CACNA2D1: variants seen among roughly 807,000 people sequenced by gnomAD.
The protein encoded by CACNA2D1 is calcium voltage-gated channel auxiliary subunit alpha2delta 1.
A neutral mutation model predicts 171.5 loss-of-function variants in CACNA2D1; 53 were observed. The observed-to-expected ratio is 0.31, with a 90% confidence interval of 0.25 to 0.39. The LOEUF is 0.39. Ranked by LOEUF, CACNA2D1 falls within the 10% of genes least tolerant of loss-of-function variation. The probability of loss-of-function intolerance (pLI) is 1.00; values close to 1 mark genes in which losing one functional copy is unlikely to be tolerated. For missense variants in CACNA2D1, 903 were observed against 1,299.8 expected, an observed-to-expected ratio of 0.69 and a Z score of 4.69; for synonymous variants, 442 against 443.1, an observed-to-expected ratio of 1.00 and a Z score of 0.03.
rs1479629109 is a variant in CACNA2D1, at chr7:82,287,863, A to G, written c.294+47272T>C. 5.3e-5 allele frequency among the ~76,000 whole-genome samples: 8 copies of G among 151,648 alleles called. No individual in the cohort carries two copies. The South Asian group carries it at 1.5e-3, about 28-fold the overall frequency. On this transcript the variant is annotated intron_variant, in intron 3 of 38. Transcript: ENST00000356860. Reference sequence around the variant, plus strand: ...ACTTTTTTTTGTTTTTTTTTGAGACAGAGTCTCGCTCTGTCGCCCAGGCTG... The same window carrying G: ...ACTTTTTTTTGTTTTTTTTTGAGACGGAGTCTCGCTCTGTCGCCCAGGCTG...
At chr7:82,375,989 T>C (rs1166190000) in intron 1 of CACNA2D1, among the ~76,000 whole-genome samples, 2 of 152,094 alleles carry the variant, frequency 1.3e-5, no homozygotes, top group African/African-American at 4.8e-5. Flanking sequence ...GGATAGAAAA[T>C]AGGTGTTCCA....
chr7:82,264,963 T>C (rs1807623582), intron 3 of CACNA2D1, among the ~76,000 whole-genome samples: 1 of 152,210 alleles, frequency 6.6e-6, no homozygotes. Context: ...GGGTTCATCA[T>C]AATATCAGGC....
chr7:82,089,706 C>G (rs1810902299), intron 6 of CACNA2D1, among the ~76,000 whole-genome samples: 2 of 151,568 alleles, frequency 1.3e-5, no homozygotes, highest in Admixed American at 6.6e-5. Flanking sequence ...ATATTTGCTG[C>G]TAATTCTTCT....
At chr7:82,075,522 C>T (rs759676118) in intron 7 of CACNA2D1, among the ~76,000 whole-genome samples, 8 of 152,134 alleles carry the variant, frequency 5.3e-5, no homozygotes, top group Non-Finnish European at 8.8e-5. Flanking sequence ...ATGTGCTACA[C>T]AGACAAAAAC....
intron 10 of CACNA2D1, among the ~76,000 whole-genome samples, chr7:82,043,666 G>T (rs554968158): frequency 6.6e-6 from 1 of 152,132 alleles, no homozygotes; most frequent in East Asian, 1.9e-4. Flanking sequence ...GTTTTGTAAA[G>T]GCAGTCTCTA....
chr7:82,394,000 G>A (rs949743997), intron 1 of CACNA2D1, among the ~76,000 whole-genome samples: 2 of 152,058 alleles, frequency 1.3e-5, no homozygotes, highest in Non-Finnish European at 2.9e-5. Context: ...ATTTGCCCAA[G>A]GTCAAGTTGA....
chr7:82,043,834 G>A (rs1425173543), intron 10 of CACNA2D1, among the ~76,000 whole-genome samples: 1 of 152,132 alleles, frequency 6.6e-6, no homozygotes, highest in Non-Finnish European at 1.5e-5. Context: ...GAAAGTTACG[G>A]GAAGTGCCCT....
rs1360796701 is a variant in CACNA2D1, at chr7:82,060,175, T to TA, written c.879+252dup. Among the ~76,000 whole-genome samples, 20 of 31,786 alleles carry TA rather than the reference T, an allele frequency of 6.3e-4. 1 individual carries two copies. Among genetic ancestry groups the TA allele is most frequent in the African/African-American group, 2.3e-3 (19 of 8,240 alleles). 20.9% of individuals were successfully genotyped at this position (31,786 alleles called of 152,430 possible). On this transcript the variant is annotated intron_variant, in intron 10 of 38. Transcript: ENST00000356860. ...GTATTATATATATATAATATATATA[T>TA]ATAATATATATATATTATATATATA...
At chr7:82,113,373 G>C (rs28481780) in intron 6 of CACNA2D1, among the ~76,000 whole-genome samples, 25,547 of 152,018 alleles carry the variant, frequency 0.17, 2,277 homozygotes, top group African/African-American at 0.23. Flanking sequence ...TGCTTGTCTT[G>C]TATAATTCTA....
Position 82,060,190 on chromosome 7 carries a change from T to TATAA in CACNA2D1, c.879+237_879+238insTTAT, listed in dbSNP as rs1491114373. On this transcript the variant is annotated intron_variant, in intron 10 of 38. Transcript: ENST00000356860. ...AATATATATATATAATATATATATATTATATATATATTATATATATAATAT... is the reference window on the plus strand; with the variant it reads ...AATATATATATATAATATATATATATATAATATATATATATTATATATATAATAT... Among the ~76,000 whole-genome samples, 25 of 13,140 alleles carry TATAA rather than the reference T, an allele frequency of 1.9e-3. 2 individuals are homozygous for TATAA. Among genetic ancestry groups the TATAA allele is most frequent in the Non-Finnish European group, 4.3e-3 (21 of 4,860 alleles). 8.6% of individuals were successfully genotyped at this position (13,140 alleles called of 152,430 possible).
intron 3 of CACNA2D1, among the ~76,000 whole-genome samples, chr7:82,191,436 T>C (rs1798283025): frequency 6.6e-6 from 1 of 151,796 alleles, no homozygotes; most frequent in Non-Finnish European, 1.5e-5. Context: ...ATCGAGCTGC[T>C]TTTCAGCAAA....
intron 3 of CACNA2D1, among the ~76,000 whole-genome samples, chr7:82,219,123 G>C (rs1457866351): frequency 6.6e-6 from 1 of 152,082 alleles, no homozygotes; most frequent in African/African-American, 2.4e-5. Context: ...ATGGTCTGAG[G>C]TAGCTACCTA....
chr7:82,441,577 T>C (rs139758653), intron 1 of CACNA2D1, among the ~76,000 whole-genome samples: 139 of 152,290 alleles, frequency 9.1e-4, no homozygotes, highest in Non-Finnish European at 1.8e-3. Flanking sequence ...GAAAGCATTA[T>C]TGCAGATGTT....
chr7:82,216,818 A>C (rs1270919154), intron 3 of CACNA2D1, among the ~76,000 whole-genome samples: 1 of 151,866 alleles, frequency 6.6e-6, no homozygotes, highest in African/African-American at 2.4e-5. Context: ...TTTTTAAAAA[A>C]AGTAAATATA....
intron 6 of CACNA2D1, among the ~76,000 whole-genome samples, chr7:82,103,754 T>C (rs1812978706): frequency 6.6e-6 from 1 of 152,098 alleles, no homozygotes; most frequent in Admixed American, 6.5e-5. Context: ...AAAAACAGTA[T>C]ATTTAATGCT....
intron 10 of CACNA2D1, among the ~76,000 whole-genome samples, chr7:82,048,266 C>T (rs10265625): frequency 0.8 from 121,889 of 151,908 alleles, 51,015 homozygotes; most frequent in Non-Finnish European, 0.91. Context: ...AAATTAATGA[C>T]AAAAAGATAG....
At chr7:82,411,637 T>C (rs537558146) in intron 1 of CACNA2D1, among the ~76,000 whole-genome samples, 216 of 152,224 alleles carry the variant, frequency 1.4e-3, no homozygotes, top group Non-Finnish European at 2.4e-3. Flanking sequence ...CTATTCTCCA[T>C]ACAGGTATGC....
chr7:82,133,805 G>A (rs890465166), intron 5 of CACNA2D1, among the ~76,000 whole-genome samples: 1 of 152,208 alleles, frequency 6.6e-6, no homozygotes, highest in Admixed American at 6.5e-5. Context: ...GGGCACGGTG[G>A]CTCACGCCTG....
chr7:81,985,332 G>T lies in CACNA2D1; in HGVS notation c.1797-621C>A, dbSNP rs147886690. ...TCCTCCCACCTCAGCCCCCGAAGTA[G>T]CTGGGACCATAGGCACATGCCACCA... On this transcript the variant is annotated intron_variant, in intron 21 of 38. Coordinates refer to ENST00000356860, the MANE Select transcript of CACNA2D1 (RefSeq NM_000722.4). 2.1e-4 allele frequency among the ~76,000 whole-genome samples: 31 copies of T among 151,010 alleles called. 1 individual carries two copies. The East Asian group carries it at 5.5e-3, about 27-fold the overall frequency.
Sources: gnomAD v4.1 joint callset for allele counts (sites outside exome capture counted in the v4.1 genomes callset) on GRCh38, gnomAD v4.1.1 for gene constraint, MANE v1.5 for transcripts, NCBI Gene and HGNC (gene_info 2026-07-23, HGNC 2026-07-21) for gene names.